NCF4: variants seen among roughly 807,000 people sequenced by gnomAD.
The protein encoded by NCF4 is neutrophil cytosolic factor 4, also known as neutrophil cytosol factor 4.
Under a neutral mutation model 41.7 loss-of-function variants are expected in NCF4, and 30 were observed. The ratio of observed to expected loss-of-function variants is 0.72; its 90% CI spans 0.54 to 0.97. The LOEUF (loss-of-function observed/expected upper bound fraction) is 0.97. Among genes scored for constraint, NCF4 ranks in the 50% least tolerant of loss-of-function variants. The probability of loss-of-function intolerance (pLI) is 0.00; values close to 1 mark genes in which losing one functional copy is unlikely to be tolerated. For missense variants in NCF4, 432 were observed against 460.9 expected (o/e 0.94, Z 0.57); for synonymous variants, 195 against 175.8 (o/e 1.11, Z -0.87).
chr22:36,874,669 T>G (rs1223935458), intron 7 of NCF4, among the ~76,000 whole-genome samples: 1 of 152,192 alleles, frequency 6.6e-6, no homozygotes, highest in East Asian at 1.9e-4. Context: ...GGGACCACTT[T>G]GAGCCTTGGT....
chr22:36,871,617 C>A, intron 5 of NCF4, 35 bp from the exon 6 acceptor site: 1 of 1,552,722 alleles, frequency 6.4e-7, no homozygotes, highest in Non-Finnish European at 8.7e-7. Flanking sequence ...CTGAGAGAAT[C>A]ACAGGGCTAA....
chr22:36,876,572 CCCT>C (rs1185086068), intron 9 of NCF4, among the ~76,000 whole-genome samples: 10 of 152,076 alleles, frequency 6.6e-5, no homozygotes, highest in Admixed American at 3.9e-4. Context: ...ATTTTTACTC[CCCT>C]CGTTATGTGA....
intron 1 of NCF4, among the ~76,000 whole-genome samples, chr22:36,863,346 C>T (rs141361757): frequency 1.9e-3 from 286 of 151,914 alleles, no homozygotes; most frequent in Middle Eastern, 0.014. Flanking sequence ...AGGGAAGGAG[C>T]GGAGCACAGC....
intron 7 of NCF4, among the ~76,000 whole-genome samples, chr22:36,873,485 C>T (rs1205310117): frequency 1.4e-5 from 2 of 144,028 alleles, no homozygotes; most frequent in African/African-American, 5.8e-5. Flanking sequence ...CTCAGAAGGC[C>T]TCAGGGAAGA....
chr22:36,865,055 C>T lies in NCF4; in HGVS notation c.254C>T (p.Thr85Ile), dbSNP rs112306225. 4 of 1,612,074 alleles carry T rather than the reference C, an allele frequency of 2.5e-6. No individual in the cohort carries two copies. Among genetic ancestry groups the T allele is most frequent in the South Asian group, 1.1e-5 (1 of 91,080 alleles). ...AGCAAGAGCAGTGCCCTGGCCTGTACCCTGCCCACACTCCCAGGTAGGCGG... is the reference window on the plus strand; with the variant it reads ...AGCAAGAGCAGTGCCCTGGCCTGTATCCTGCCCACACTCCCAGGTAGGCGG... ...PDSKSSALACTLPTLPAKVYV... is the reference protein window; with the variant it reads ...PDSKSSALACILPTLPAKVYV... The change falls in exon 3 of 10, where the codon ACC becomes ATC. Residue 85 changes from threonine to isoleucine, a missense_variant. By Grantham distance (89) the Thr-to-Ile change is moderately conservative. Transcript: ENST00000248899. This position sits in a 1 kb window ranked among gnomAD's most constrained non-coding sequence, Gnocchi z 4.3.
chr22:36,874,771 G>A (rs2145725176), intron 7 of NCF4, among the ~76,000 whole-genome samples: 1 of 152,336 alleles, frequency 6.6e-6, no homozygotes, highest in East Asian at 1.9e-4. Flanking sequence ...CCAGGCCATG[G>A]CCGGGTCTGG....
At chr22:36,861,395 C>T (rs1569108697) in intron 1 of NCF4, among the ~76,000 whole-genome samples, 192 bp downstream of exon 1, 3 of 152,232 alleles carry the variant, frequency 2.0e-5, no homozygotes, top group African/African-American at 7.2e-5. Context: ...CACCCTCAGA[C>T]ACAAATGAGA....
At chr22:36,872,597 G>C (rs943250895) in intron 7 of NCF4, among the ~76,000 whole-genome samples, 172 bp downstream of exon 7, 2 of 149,018 alleles carry the variant, frequency 1.3e-5, no homozygotes, top group African/African-American at 2.5e-5. Context: ...ATGGAGGTGA[G>C]ATTGGAGGTG....
At chr22:36,863,909 T>C in intron 1 of NCF4, 136 bp from the exon 2 acceptor site, 1 of 835,236 alleles carries the variant, frequency 1.2e-6, no homozygotes, top group South Asian at 1.3e-5. Flanking sequence ...TGGCTGGACC[T>C]GGCCTGGGAA....
At chr22:36,872,467 G>T (rs112099030) in intron 7 of NCF4, 42 bp downstream of exon 7, 1 of 1,469,408 alleles carries the variant, frequency 6.8e-7, no homozygotes, top group Non-Finnish European at 9.4e-7. Context: ...TGAAGGTGAG[G>T]TTGGAGGGAA....
At position 36,872,384 on chromosome 22, in the gene NCF4, G is replaced by T. The variant is rs753529855; in HGVS notation, c.586G>T (p.Val196Leu). The T allele has an allele frequency of 6.2e-7, 1 of 1,613,720 alleles. No homozygotes were observed. The highest frequency in any genetic ancestry group is 1.1e-5 in the South Asian group (1 of 91,074). ...KLELNFKAGD[V>L]IFLLSRINKD... Reference sequence around the variant, plus strand: ...GGAGCTGAATTTCAAAGCTGGAGATGTGATCTTCCTCCTCAGTCGGATCAA... The same window carrying T: ...GGAGCTGAATTTCAAAGCTGGAGATTTGATCTTCCTCCTCAGTCGGATCAA... Residue 196 changes from valine to leucine, a missense_variant, in exon 7 of 10, where the codon GTG (valine) becomes TTG (leucine). Coordinates refer to ENST00000248899, the MANE Select transcript of NCF4 (RefSeq NM_000631.5).
intron 4 of NCF4, among the ~76,000 whole-genome samples, chr22:36,869,437 G>A (rs545204064): frequency 3.9e-5 from 6 of 152,308 alleles, no homozygotes; most frequent in African/African-American, 1.2e-4. Flanking sequence ...TCGATCCCAG[G>A]AGCCCCTGGC....
Position 36,865,221 on chromosome 22 carries a change from A to AT in NCF4, c.271+149_271+150insT. ...CCACTCCCGGCAGTTACAGGCTGCC[A>AT]AGCCCTCCCTGCATGGCTCCCCCTG... On this transcript the variant is annotated intron_variant, in intron 3 of 9. Coordinates refer to ENST00000248899, the MANE Select transcript of NCF4 (RefSeq NM_000631.5). This position sits in a 1 kb window ranked among gnomAD's most constrained non-coding sequence, Gnocchi z 4.3. 8.2e-7 allele frequency: 1 copy of AT among 1,213,856 alleles called. No individual in the cohort carries two copies. The highest frequency in any genetic ancestry group is 2.5e-5 in the East Asian group (1 of 39,426). The allele number at this position is 1,213,856 out of a possible 1,614,324, so 75.2% of individuals were successfully genotyped here.
intron 9 of NCF4, 82 bp from the exon 10 acceptor site, chr22:36,877,546 G>C: frequency 1.4e-5 from 21 of 1,452,980 alleles, no homozygotes; most frequent in Non-Finnish European, 2.0e-5. Context: ...CTGGCTTCAG[G>C]ACATAAAACC....
chr22:36,873,772 C>G (rs35134846), intron 7 of NCF4, among the ~76,000 whole-genome samples: 4,382 of 152,212 alleles, frequency 0.029, 199 homozygotes, highest in African/African-American at 0.1. Context: ...TCAGCAATAT[C>G]CCTGGCCTCT....
chr22:36,874,080 T>C (rs1268064509), intron 7 of NCF4, among the ~76,000 whole-genome samples: 1 of 152,234 alleles, frequency 6.6e-6, no homozygotes, highest in Non-Finnish European at 1.5e-5. Flanking sequence ...AGGTGGTAGA[T>C]GGCCAGGGCT....
At position 36,876,077 on chromosome 22, in the gene NCF4, C is replaced by T. The variant is rs1940187341; in HGVS notation, c.807C>T (p.Asp269=). ...EDLSSTPLLK[D]LLELTRREFQ... is the part of the protein sequence containing the mutation. Reference sequence around the variant, plus strand: ...TCAGCAGCACTCCCCTATTGAAAGACCTGCTGGAGCTCACAAGGTGAGGGG... The same window carrying T: ...TCAGCAGCACTCCCCTATTGAAAGATCTGCTGGAGCTCACAAGGTGAGGGG... The change falls in exon 9 of 10, where the codon GAC becomes GAT. Residue 269 remains aspartate, a synonymous_variant. Transcript: ENST00000248899. 1.2e-6 allele frequency: 2 copies of T among 1,609,122 alleles called. No homozygotes were observed. Among genetic ancestry groups the T allele is most frequent in the African/African-American group, 2.7e-5 (2 of 74,844 alleles).
rs1490020205 is a variant in NCF4 at position 36,871,641 on chromosome 22, T to C, written c.471-11T>C. 1 of 1,561,772 alleles carries C rather than the reference T, an allele frequency of 6.4e-7. No homozygotes were observed. The highest frequency in any genetic ancestry group is 1.2e-5 in the South Asian group (1 of 84,786). Reference sequence around the variant, plus strand: ...TCACAGGGCTAACAAGCCCCTCTTCTCTCTCCACAGCAAGAGCGTGTCCCC... The same window carrying C: ...TCACAGGGCTAACAAGCCCCTCTTCCCTCTCCACAGCAAGAGCGTGTCCCC... On this transcript the variant is annotated splice_polypyrimidine_tract_variant and intron_variant, in intron 5 of 9. Transcript: ENST00000248899.
At chr22:36,877,142 CCTTT>C (rs1381084599) in intron 9 of NCF4, among the ~76,000 whole-genome samples, 3 of 151,340 alleles carry the variant, frequency 2.0e-5, no homozygotes, top group African/African-American at 7.3e-5. Flanking sequence ...TTCTCCTTCT[CCTTT>C]TTTTTTTTGA....
Sources: gnomAD v4.1 joint callset for allele counts (sites outside exome capture counted in the v4.1 genomes callset) on GRCh38, gnomAD v4.1.1 for gene constraint, Gnocchi (gnomAD v3.1) non-coding constraint, MANE v1.5 for transcripts, NCBI Gene and HGNC (gene_info 2026-07-23, HGNC 2026-07-21) for gene names.